CENPE: variants seen among roughly 807,000 people sequenced by gnomAD.
CENPE encodes the protein centromere protein E.
Under a neutral mutation model 336.1 loss-of-function variants are expected in CENPE, and 145 were observed. The ratio of observed to expected loss-of-function variants is 0.43; its 90% CI spans 0.38 to 0.50. The LOEUF (loss-of-function observed/expected upper bound fraction) is 0.50, where lower values mean the gene tolerates loss of function less well. CENPE is among the 20% of genes least tolerant of loss of function. CENPE has a pLI of 0.00. For missense variants in CENPE, 2,719 were observed against 3,023.3 expected (o/e 0.90, Z 2.36); for synonymous variants, 1,013 against 984.8 (o/e 1.03, Z -0.54).
At chr4:103,175,696 G>A (rs896062324) in intron 15 of CENPE, among the ~76,000 whole-genome samples, 3 of 152,008 alleles carry the variant, frequency 2.0e-5, no homozygotes, top group African/African-American at 7.2e-5. Context: ...AGGCAAAACA[G>A]AAACTTTACA....
chr4:103,176,749 C>T, intron 14 of CENPE, 150 bp downstream of exon 14: 3 of 565,760 alleles, frequency 5.3e-6, no homozygotes, highest in Non-Finnish European at 8.0e-6. Context: ...TTTAGAATTA[C>T]TTATTTTAAA....
intron 38 of CENPE, among the ~76,000 whole-genome samples, chr4:103,138,910 C>T (rs1211561726): frequency 2.0e-5 from 3 of 152,150 alleles, no homozygotes; most frequent in Non-Finnish European, 4.4e-5. Flanking sequence ...CTGATTCCTA[C>T]TCTTCCAAAT....
intron 24 of CENPE, among the ~76,000 whole-genome samples, chr4:103,156,446 A>G (rs12512468): frequency 0.15 from 22,237 of 152,198 alleles, 1,932 homozygotes; most frequent in South Asian, 0.3. Context: ...TGGTCACAGT[A>G]TCTTCAACAA....
At chr4:103,177,210 A>G (rs1755945856) in intron 13 of CENPE, among the ~76,000 whole-genome samples, 164 bp from the exon 14 acceptor site, 1 of 152,000 alleles carries the variant, frequency 6.6e-6, no homozygotes, top group South Asian at 2.1e-4. Flanking sequence ...AAAAAAATCA[A>G]ACTCTTGACT....
In CENPE at chr4:103,149,196, T is replaced by C; in HGVS notation, c.3609A>G (p.Lys1203=). The C allele has an allele frequency of 6.2e-7, 1 of 1,611,998 alleles. No individual in the cohort carries two copies. ...EEVKSITKER[K]VLKELQKSFE... Reference sequence around the variant, plus strand: ...ATGACTTCTGTAATTCCTTTAGAACTTTTCTTTCTTTGGTTATAGATTTCA... The same window carrying C: ...ATGACTTCTGTAATTCCTTTAGAACCTTTCTTTCTTTGGTTATAGATTTCA... Residue 1203 remains lysine (K), a synonymous_variant, in exon 27 of 49, where the codon AAA becomes AAG. Transcript: ENST00000265148.
Position 103,144,374 on chromosome 4 carries a change from T to A in CENPE, c.5102A>T (p.Glu1701Val), listed in dbSNP as rs1423838692. Reference sequence around the variant, plus strand: ...AAGGTTTTCCTTGAGCTGGTCTCTCTCTACTTTGAGAGTCTCCTCCACACT... The same window carrying A: ...AAGGTTTTCCTTGAGCTGGTCTCTCACTACTTTGAGAGTCTCCTCCACACT... ...LRSVEETLKV[E>V]RDQLKENLRE... Residue 1701 changes from glutamate (E) to valine (V), a missense_variant, in exon 33 of 49, where the codon GAG (glutamate) becomes GTG (valine). Physicochemically the swap from Glu to Val is moderately radical, Grantham distance 121. This residue lies in a region of CENPE where 2,437 missense variants were observed against 2,513.3 expected (regional missense o/e 0.97). Transcript: ENST00000265148. The A allele has an allele frequency of 6.2e-7, 1 of 1,613,014 alleles. No individual in the cohort carries two copies. Among genetic ancestry groups the A allele is most frequent in the East Asian group, 2.2e-5 (1 of 44,870 alleles).
In CENPE at chr4:103,133,584, C is replaced by T. The variant is rs933898859; in HGVS notation, c.6720+111G>A. 112 of 750,066 alleles carry T rather than the reference C, an allele frequency of 1.5e-4. 1 individual carries two copies. Among genetic ancestry groups the T allele is most frequent in the South Asian group, 1.3e-3 (80 of 60,192 alleles). 46.5% of individuals were successfully genotyped at this position (750,066 alleles called of 1,614,324 possible). ...TGTCTGGCCAGGTATCACTCTGCAA[C>T]GTATTTTTAATTTCTGGTAAATGAA... On this transcript the variant is annotated intron_variant, in intron 41 of 48. Transcript: ENST00000265148.
At chr4:103,171,903 CAGGACTGAATTATGAA>C (rs1277935914) in intron 16 of CENPE, among the ~76,000 whole-genome samples, 2 of 151,692 alleles carry the variant, frequency 1.3e-5, no homozygotes, top group East Asian at 3.9e-4. Flanking sequence ...CATTACCTAC[CAGGACTGAATTATGAA>C]TAAATAGAAA....
At chr4:103,190,054 A>G (rs1757159348) in intron 8 of CENPE, among the ~76,000 whole-genome samples, 1 of 152,208 alleles carries the variant, frequency 6.6e-6, no homozygotes, top group African/African-American at 2.4e-5. Context: ...TGCTTCAAAG[A>G]GAATAAAATA....
Position 103,158,420 on chromosome 4 carries a change from C to T in CENPE, c.2913G>A (p.Glu971=), listed in dbSNP as rs928618088. 25 of 1,599,884 alleles carry T rather than the reference C, an allele frequency of 1.6e-5. No homozygotes were observed. Among genetic ancestry groups the T allele is most frequent in the African/African-American group, 2.7e-5 (2 of 74,376 alleles). Residue 971 remains glutamate, a synonymous_variant, in exon 24 of 49, where the codon GAG becomes GAA. Coordinates refer to ENST00000265148, the MANE Select transcript of CENPE (RefSeq NM_001813.3). ...DTQEQLRNAL[E]SLKQHQETIN... ...TTGTTTCTTGATGTTGTTTCAGAGA[C>T]TCAAGAGCATTTCGTAATTGTTCTT... is the stretch of plus-strand genomic sequence containing the variant.
chr4:103,186,819 C>G (rs763242594), intron 8 of CENPE, among the ~76,000 whole-genome samples: 2 of 152,074 alleles, frequency 1.3e-5, no homozygotes, highest in Non-Finnish European at 2.9e-5. Flanking sequence ...CATTAAGCTG[C>G]GATCTGAATG....
At chr4:103,106,770 A>AT (rs1560581390) in intron 48 of CENPE, among the ~76,000 whole-genome samples, 1 of 152,110 alleles carries the variant, frequency 6.6e-6, no homozygotes, top group African/African-American at 2.4e-5. Flanking sequence ...TACAATTATT[A>AT]TATTTATAAA....
At position 103,195,187 on chromosome 4, in the gene CENPE, T is replaced by C; in HGVS notation, c.404A>G (p.Tyr135Cys). The C allele has an allele frequency of 6.3e-7, 1 of 1,586,050 alleles. No individual in the cohort carries two copies. Among genetic ancestry groups the C allele is most frequent in the South Asian group, 1.2e-5 (1 of 85,206 alleles). ...FLLRVSYMEI[Y>C]NETITDLLCG... ...GAGTAAATCTGTAATGGTTTCATTG[T>C]ATATTTCCATGTAAGATACACGTAA... The change falls in exon 5 of 49, where the codon TAC becomes TGC. Residue 135 changes from tyrosine to cysteine, a missense_variant. By Grantham distance (194) the Tyr-to-Cys change is radical. Transcript: ENST00000265148.
At chr4:103,163,418 T>A in intron 17 of CENPE, 61 bp downstream of exon 17, 1 of 1,309,550 alleles carries the variant, frequency 7.6e-7, no homozygotes. Context: ...TTCAGTTACA[T>A]ATGTTGCATG....
At chr4:103,116,426 T>TA (rs1316741352) in intron 45 of CENPE, 151 bp downstream of exon 45, 1 of 465,414 alleles carries the variant, frequency 2.1e-6, no homozygotes, top group Non-Finnish European at 3.8e-6. Context: ...CCAGTATATT[T>TA]AAAATCTATG....
In CENPE at chr4:103,151,350, G is replaced by A; in HGVS notation, c.3265C>T (p.Leu1089Phe). 6.3e-7 allele frequency: 1 copy of A among 1,583,950 alleles called. No individual in the cohort carries two copies. Among genetic ancestry groups the A allele is most frequent in the Non-Finnish European group, 8.5e-7 (1 of 1,173,088 alleles). Residue 1089 changes from leucine (L) to phenylalanine (F), a missense_variant, in exon 26 of 49, where the codon CTT becomes TTT. Transcript: ENST00000265148. ...MTIENQEELR[L>F]LGDELKKQQE... ...TGCTTTTTAAGTTCATCCCCAAGAA[G>A]TCTTAATTCTTCCTGGTTTTCAATG... is the stretch of plus-strand genomic sequence containing the variant.
In CENPE at chr4:103,140,374, A is replaced by G; in HGVS notation, c.5795T>C (p.Leu1932Pro). ...IQQELKTARM[L>P]SKEHKETVDK... ...AACAGTTTCTTTGTGTTCTTTTGAT[A>G]GCATACGAGCAGTTTTTAGTTCCTG... The change falls in exon 37 of 49, where the codon CTA becomes CCA. Residue 1932 changes from leucine (L) to proline (P), a missense_variant. By Grantham distance (98) the Leu-to-Pro change is moderately conservative. Around this residue, in one of 5 missense-constraint regions of CENPE, gnomAD observed 2,437 missense variants for 2,513.3 expected, o/e 0.97. Transcript: ENST00000265148. 6 of 1,602,462 alleles carry G rather than the reference A, an allele frequency of 3.7e-6. No homozygotes were observed. The highest frequency in any genetic ancestry group is 4.3e-6 in the Non-Finnish European group (5 of 1,175,654).
chr4:103,197,658 T>C (rs1482404901), intron 1 of CENPE, among the ~76,000 whole-genome samples: 1 of 152,240 alleles, frequency 6.6e-6, no homozygotes, highest in Non-Finnish European at 1.5e-5. Flanking sequence ...TTTATTCCTC[T>C]TCCTGCTTTT....
At chr4:103,173,549 A>G (rs986322524) in intron 16 of CENPE, among the ~76,000 whole-genome samples, 1 of 107,886 alleles carries the variant, frequency 9.3e-6, no homozygotes, top group Non-Finnish European at 2.3e-5. Flanking sequence ...CAATAAAGAG[A>G]CAATATTTGC....
Sources: gnomAD v4.1 joint callset for allele counts (sites outside exome capture counted in the v4.1 genomes callset) on GRCh38, gnomAD v4.1.1 for gene constraint, gnomAD v4.1.1 regional missense constraint, MANE v1.5 for transcripts, NCBI Gene and HGNC (gene_info 2026-07-23, HGNC 2026-07-21) for gene names.